The following TGFBR1 variants were observed in gnomAD, a reference collection of about 807,000 sequenced individuals.
TGFBR1 encodes TGF-beta receptor type-1.
Under a neutral mutation model 55.1 loss-of-function variants are expected in TGFBR1, and 20 were observed. The ratio of observed to expected loss-of-function variants is 0.36; its 90% CI spans 0.26 to 0.53. The LOEUF (loss-of-function observed/expected upper bound fraction) is 0.53. Among genes scored for constraint, TGFBR1 ranks in the 20% least tolerant of loss-of-function variants. The probability of loss-of-function intolerance (pLI) is 0.91; values close to 1 mark genes in which losing one functional copy is unlikely to be tolerated. For missense variants in TGFBR1, 385 were observed against 617.6 expected (o/e 0.62, Z 3.99); for synonymous variants, 220 against 214.8 (o/e 1.02, Z -0.21).
At position 99,142,552 on chromosome 9, in the gene TGFBR1, T is replaced by G. The variant is rs1588590268; in HGVS notation, c.822T>G (p.Thr274=). Residue 274 remains threonine (T), a synonymous_variant, in exon 5 of 9, where the codon ACT becomes ACG. Transcript: ENST00000374994. ...AADNKDNGTW[T]QLWLVSDYHE... ...GTTTTACAGACAATGGTACTTGGACTCAGCTCTGGTTGGTGTCAGATTATC... is the reference window on the plus strand; with the variant it reads ...GTTTTACAGACAATGGTACTTGGACGCAGCTCTGGTTGGTGTCAGATTATC... The G allele has an allele frequency of 3.1e-6, 5 of 1,614,062 alleles. No individual in the cohort carries two copies. The South Asian group carries it at 4.4e-5, about 14-fold the overall frequency.
At chr9:99,146,909 G>A (rs1827813731) in intron 7 of TGFBR1, among the ~76,000 whole-genome samples, 1 of 152,062 alleles carries the variant, frequency 6.6e-6, no homozygotes, top group Non-Finnish European at 1.5e-5. Flanking sequence ...TGCTTGAGAG[G>A]CTCACCTAGG....
intron 6 of TGFBR1, 92 bp from the exon 7 acceptor site, chr9:99,146,393 G>T (rs1827796635): frequency 5.2e-6 from 7 of 1,348,212 alleles, no homozygotes; most frequent in South Asian, 4.7e-5. Flanking sequence ...GTGTACATAT[G>T]TCTATGTATA....
At chr9:99,107,293 C>T (rs567396271) in intron 1 of TGFBR1, among the ~76,000 whole-genome samples, 1 of 152,328 alleles carries the variant, frequency 6.6e-6, no homozygotes, top group Admixed American at 6.5e-5. Flanking sequence ...TCCTCTGTAA[C>T]TTGGCTTCCC....
chr9:99,134,149 ATTTAT>A (rs1392750488), intron 3 of TGFBR1, among the ~76,000 whole-genome samples: 3 of 152,160 alleles, frequency 2.0e-5, no homozygotes, highest in East Asian at 1.9e-4. Flanking sequence ...ACAAATGTCT[ATTTAT>A]TTTAAGGAAA....
At chr9:99,133,854 A>C (rs776125544) in intron 3 of TGFBR1, among the ~76,000 whole-genome samples, 52 of 152,290 alleles carry the variant, frequency 3.4e-4, no homozygotes, top group Non-Finnish European at 6.5e-4. Context: ...ATGCAAAAAA[A>C]TTAGCCGGGC....
At chr9:99,118,801 C>G (rs990782392) in intron 1 of TGFBR1, among the ~76,000 whole-genome samples, 1 of 151,914 alleles carries the variant, frequency 6.6e-6, no homozygotes, top group Non-Finnish European at 1.5e-5. Context: ...TGCGTGCCAC[C>G]ACACCTGGCT....
At chr9:99,109,820 G>A (rs1044721533) in intron 1 of TGFBR1, among the ~76,000 whole-genome samples, 2 of 152,180 alleles carry the variant, frequency 1.3e-5, no homozygotes, top group African/African-American at 4.8e-5. Context: ...ATATTTCTCA[G>A]GGATTTTTTA....
intron 2 of TGFBR1, 131 bp from the exon 3 acceptor site, chr9:99,132,378 T>TA: frequency 6.7e-7 from 1 of 1,486,896 alleles, no homozygotes; most frequent in Non-Finnish European, 9.1e-7. Flanking sequence ...TAAACTGCTG[T>TA]AATGAGGCTC....
intron 1 of TGFBR1, among the ~76,000 whole-genome samples, chr9:99,113,922 A>G (rs916178057): frequency 6.6e-6 from 1 of 152,210 alleles, no homozygotes; most frequent in Non-Finnish European, 1.5e-5. Flanking sequence ...GAGAAATTGT[A>G]GAAGGAATTT....
chr9:99,135,545 C>T (rs371626555), intron 3 of TGFBR1, among the ~76,000 whole-genome samples: 1 of 152,346 alleles, frequency 6.6e-6, no homozygotes, highest in Non-Finnish European at 1.5e-5. Context: ...TCAGGGAATA[C>T]AATGAAGAGC....
chr9:99,146,366 ATTTG>A (rs1305500901), intron 6 of TGFBR1, 115 bp from the exon 7 acceptor site: 1 of 1,206,190 alleles, frequency 8.3e-7, no homozygotes, highest in Non-Finnish European at 1.2e-6. Flanking sequence ...TGAGTCTAAT[ATTTG>A]TTATGTAATA....
chr9:99,138,015 G>T lies in TGFBR1; in HGVS notation c.731G>T (p.Arg244Leu). ...FSSREERSWF[R>L]EAEIYQTVML... Reference sequence around the variant, plus strand: ...TCTAGAGAAGAACGTTCGTGGTTCCGTGAGGCAGAGATTTATCAAACTGTA... The same window carrying T: ...TCTAGAGAAGAACGTTCGTGGTTCCTTGAGGCAGAGATTTATCAAACTGTA... The change falls in exon 4 of 9, where the codon CGT (arginine) becomes CTT (leucine). Residue 244 changes from arginine to leucine, a missense_variant. Physicochemically the swap from Arg to Leu is moderately radical, Grantham distance 102 (BLOSUM62 -2). Coordinates refer to ENST00000374994, the MANE Select transcript of TGFBR1 (RefSeq NM_004612.4). 1 of 1,614,064 alleles carries T rather than the reference G, an allele frequency of 6.2e-7. No homozygotes were observed. Among genetic ancestry groups the T allele is most frequent in the Non-Finnish European group, 8.5e-7 (1 of 1,179,962 alleles).
chr9:99,136,423 A>G (rs11568771), intron 3 of TGFBR1, among the ~76,000 whole-genome samples: 1,854 of 152,234 alleles, frequency 0.012, 35 homozygotes, highest in African/African-American at 0.042. Flanking sequence ...TAGTCTCCTG[A>G]AATTAACTCT....
intron 1 of TGFBR1, among the ~76,000 whole-genome samples, chr9:99,127,086 G>T (rs930844284): frequency 1.8e-4 from 28 of 152,156 alleles, no homozygotes; most frequent in Non-Finnish European, 3.4e-4. Context: ...CAGAAAAGCT[G>T]TTACAGTCAT....
At chr9:99,132,028 G>A (rs1827242970) in intron 2 of TGFBR1, among the ~76,000 whole-genome samples, 2 of 151,486 alleles carry the variant, frequency 1.3e-5, no homozygotes, top group Admixed American at 1.3e-4. Context: ...TAGAAGTGAT[G>A]AAGATGTATG....
intron 1 of TGFBR1, among the ~76,000 whole-genome samples, chr9:99,123,025 A>G (rs1826938322): frequency 6.6e-6 from 1 of 152,156 alleles, no homozygotes; most frequent in South Asian, 2.1e-4. Flanking sequence ...TATATGAAAC[A>G]TGAATGAATT....
At position 99,146,083 on chromosome 9, in the gene TGFBR1, T is replaced by G. The variant is rs334353; in HGVS notation, c.1131-402T>G. ...AGCTTCAGTATGAGGACTGGCATTC[T>G]TTTGTATCTATTATTTTTTTCCCTG... On this transcript the variant is annotated intron_variant, in intron 6 of 8. Coordinates refer to ENST00000374994, the MANE Select transcript of TGFBR1 (RefSeq NM_004612.4). The G allele has an allele frequency of 0.26, 75,307 of 289,978 alleles. 10,292 individuals are homozygous for G. Among genetic ancestry groups the G allele is most frequent in the East Asian group, 0.44 (4,545 of 10,342 alleles). 18.0% of individuals were successfully genotyped at this position (289,978 alleles called of 1,614,324 possible). A position where few individuals can be genotyped will look rare whatever the true frequency, so the allele number is the denominator to read the frequency against.
intron 1 of TGFBR1, among the ~76,000 whole-genome samples, chr9:99,116,165 A>G (rs1394270453): frequency 7.0e-6 from 1 of 142,946 alleles, no homozygotes; most frequent in Non-Finnish European, 1.5e-5. Context: ...TTGTTTCTTC[A>G]CTTTATTCTT....
At chr9:99,117,208 C>T (rs1826771256) in intron 1 of TGFBR1, among the ~76,000 whole-genome samples, 1 of 149,168 alleles carries the variant, frequency 6.7e-6, no homozygotes, top group South Asian at 2.1e-4. Flanking sequence ...CTGTCTCAGC[C>T]TCCCGTGTAG....
Sources: allele counts gnomAD v4.1 joint callset (sites outside exome capture counted in the v4.1 genomes callset), GRCh38; gene constraint gnomAD v4.1.1; transcripts MANE v1.5; gene names NCBI Gene and HGNC (gene_info 2026-07-23, HGNC 2026-07-21).